The following NSD2 variants were observed in gnomAD, a reference collection of about 807,000 sequenced individuals.
The protein encoded by NSD2 is histone-lysine N-methyltransferase NSD2.
A neutral mutation model predicts 139.0 loss-of-function variants in NSD2; 12 were observed. The observed-to-expected ratio is 0.09, with a 90% CI of 0.06 to 0.14. NSD2 has a LOEUF of 0.14. NSD2 is among the 10% of genes least tolerant of loss of function. NSD2 has a pLI of 1.00. For missense variants in NSD2, 1,155 were observed against 1,745.0 expected (o/e 0.66, Z 6.02); for synonymous variants, 669 against 648.7 (o/e 1.03, Z -0.48).
chr4:1,947,459 C>G (rs1019068572), intron 9 of NSD2: 5 of 1,058,956 alleles, frequency 4.7e-6, no homozygotes, highest in Middle Eastern at 4.2e-4. Context: ...ACCCCCAGCC[C>G]TGACCCTAGA....
At chr4:1,874,436 G>A (rs1714102211) in intron 1 of NSD2, among the ~76,000 whole-genome samples, 1 of 152,154 alleles carries the variant, frequency 6.6e-6, no homozygotes, top group African/African-American at 2.4e-5. Context: ...AACTCTTAGA[G>A]GTAGGACTCT....
Position 1,918,133 on chromosome 4 carries a change from T to C in NSD2, c.928-8T>C, listed in dbSNP as rs1366495486. 2 of 1,598,422 alleles carry C rather than the reference T, an allele frequency of 1.3e-6. No homozygotes were observed. The highest frequency in any genetic ancestry group is 1.7e-6 in the Non-Finnish European group (2 of 1,174,582). On this transcript the variant is annotated splice_polypyrimidine_tract_variant and splice_region_variant and intron_variant, in intron 4 of 21. Coordinates refer to ENST00000508803, the MANE Select transcript of NSD2 (RefSeq NM_001042424.3). ...TGAAACTTACAGTGTCTCTTTTTTTTTTCCCAGCTATTGAAACCAATTTCA... is the reference window on the plus strand; with the variant it reads ...TGAAACTTACAGTGTCTCTTTTTTTCTTCCCAGCTATTGAAACCAATTTCA...
Position 1,889,753 on chromosome 4 carries a change from C to T in NSD2, c.-29-10873C>T, listed in dbSNP as rs148963789. 1.8e-3 allele frequency among the ~76,000 whole-genome samples: 268 copies of T among 152,068 alleles called. 3 individuals carry two copies. Among genetic ancestry groups the T allele is most frequent in the African/African-American group, 5.1e-3 (212 of 41,454 alleles). ...CACTCCTGACCTCAGGTGATACACCCGCCTTGACCTCCCAAAGTGCTGGGA... is the reference window on the plus strand; with the variant it reads ...CACTCCTGACCTCAGGTGATACACCTGCCTTGACCTCCCAAAGTGCTGGGA... On this transcript the variant is annotated intron_variant, in intron 1 of 21. Transcript: ENST00000508803.
At chr4:1,882,645 CAG>C (rs1714790170) in intron 1 of NSD2, among the ~76,000 whole-genome samples, 1 of 152,020 alleles carries the variant, frequency 6.6e-6, no homozygotes. Flanking sequence ...GCTTGGGCGA[CAG>C]AGCAAGACCT....
chr4:1,904,226 A>G lies in NSD2; in HGVS notation c.608A>G (p.Lys203Arg). The change falls in exon 3 of 22, where the codon AAG (lysine) becomes AGG (arginine). Residue 203 changes from lysine (K) to arginine (R), a missense_variant. Around this residue, in one of 8 missense-constraint regions of NSD2, gnomAD observed 246 missense variants for 262.8 expected, o/e 0.94. Coordinates refer to ENST00000508803, the MANE Select transcript of NSD2 (RefSeq NM_001042424.3). ...GTTGTTCATTTTCAGATTCCAGCTA[A>G]GAAAGAGTCTTGTCCAAACACTGGA... Reference protein sequence around the residue: ...SSPSDKKIPAKKESCPNTGRD... With the variant: ...SSPSDKKIPARKESCPNTGRD... 6.2e-7 allele frequency: 1 copy of G among 1,613,076 alleles called. No homozygotes were observed. Among genetic ancestry groups the G allele is most frequent in the Non-Finnish European group, 8.5e-7 (1 of 1,179,400 alleles).
intron 10 of NSD2, 128 bp downstream of exon 10, chr4:1,951,331 A>G (rs1577526071): frequency 1.5e-6 from 2 of 1,342,502 alleles, no homozygotes; most frequent in South Asian, 1.4e-5. Flanking sequence ...TCACTCACTC[A>G]TCTCTGTTTT....
At chr4:1,967,351 C>T (rs1179332849) in intron 18 of NSD2, among the ~76,000 whole-genome samples, 4 of 152,000 alleles carry the variant, frequency 2.6e-5, no homozygotes, top group Non-Finnish European at 4.4e-5. Context: ...AGGCCGAGGC[C>T]GGCAGATCAC....
At chr4:1,931,920 C>G (rs1486373990) in intron 6 of NSD2, among the ~76,000 whole-genome samples, 1 of 152,134 alleles carries the variant, frequency 6.6e-6, no homozygotes, top group African/African-American at 2.4e-5. Flanking sequence ...TTCCTGAAGC[C>G]AGATTCAGCT....
chr4:1,904,282 G>A lies in NSD2; in HGVS notation c.664G>A (p.Val222Ile), dbSNP rs150146753. ...RDKDHLLKYN[V>I]GDLVWSKVSG... is the part of the protein sequence containing the mutation. ...CAAAGACCACCTGTTGAAATACAAC[G>A]TTGGTGATTTGGTGTGGTCCAAAGT... Residue 222 changes from valine to isoleucine, a missense_variant, in exon 3 of 22, where the codon GTT becomes ATT. By Grantham distance (29) the Val-to-Ile change is conservative. Around this residue, in one of 8 missense-constraint regions of NSD2, gnomAD observed 34 missense variants for 75.2 expected, o/e 0.45. Coordinates refer to ENST00000508803, the MANE Select transcript of NSD2 (RefSeq NM_001042424.3). 29 of 1,614,196 alleles carry A rather than the reference G, an allele frequency of 1.8e-5. No homozygotes were observed. In the Admixed American group the frequency reaches 2.8e-4, roughly 16 times the overall value.
chr4:1,890,969 C>G (rs1354472827), intron 1 of NSD2, among the ~76,000 whole-genome samples: 1 of 152,084 alleles, frequency 6.6e-6, no homozygotes, highest in African/African-American at 2.4e-5. Context: ...TCTTGGCTCA[C>G]TGCAGTCTCC....
chr4:1,887,866 C>T (rs1319587928), intron 1 of NSD2, among the ~76,000 whole-genome samples: 1 of 151,838 alleles, frequency 6.6e-6, no homozygotes, highest in Admixed American at 6.6e-5. Context: ...GTATAAAAAG[C>T]CTTTGGGATG....
At chr4:1,882,489 C>T (rs1025225995) in intron 1 of NSD2, among the ~76,000 whole-genome samples, 2 of 152,144 alleles carry the variant, frequency 1.3e-5, no homozygotes. Flanking sequence ...CGGTGAAACC[C>T]CGTCTCTACT....
Position 1,975,458 on chromosome 4 carries a change from G to A in NSD2, c.3621+58G>A, listed in dbSNP as rs1359117660. The stretch of plus-strand genomic sequence containing the variant: ...TCTGTGTTGGCATTTTGCACTCCTG[G>A]AGACCTGTGTCCCCCGTGAACAGCG... On this transcript the variant is annotated intron_variant, in intron 20 of 21. Coordinates refer to ENST00000508803, the MANE Select transcript of NSD2 (RefSeq NM_001042424.3). 5.3e-6 allele frequency: 8 copies of A among 1,501,394 alleles called. No homozygotes were observed. In the African/African-American group the frequency reaches 9.6e-5, roughly 18 times the overall value. The allele number at this position is 1,501,394 out of a possible 1,614,324, so 93.0% of individuals were successfully genotyped here.
intron 3 of NSD2, among the ~76,000 whole-genome samples, chr4:1,915,201 C>T (rs1211049750): frequency 2.7e-5 from 4 of 149,578 alleles, no homozygotes; most frequent in East Asian, 3.9e-4. Context: ...CTGCAAGCTC[C>T]GCCTCCTGGG....
chr4:1,913,033 T>C (rs1462362492), intron 3 of NSD2, among the ~76,000 whole-genome samples: 1 of 152,230 alleles, frequency 6.6e-6, no homozygotes, highest in African/African-American at 2.4e-5. Flanking sequence ...ATATGAATAT[T>C]ATTAATCATT....
chr4:1,937,570 G>A (rs1325455570), intron 7 of NSD2, among the ~76,000 whole-genome samples: 2 of 152,072 alleles, frequency 1.3e-5, no homozygotes, highest in Non-Finnish European at 2.9e-5. Flanking sequence ...TTCAGATTTG[G>A]GTTTTATAAA....
chr4:1,968,128 C>T (rs1726077118), intron 18 of NSD2, among the ~76,000 whole-genome samples: 2 of 152,200 alleles, frequency 1.3e-5, no homozygotes, highest in South Asian at 2.1e-4. Context: ...TCTGTGACTT[C>T]AGACAAAGAT....
chr4:1,949,490 C>T (rs549169788), intron 9 of NSD2, among the ~76,000 whole-genome samples: 12 of 152,288 alleles, frequency 7.9e-5, no homozygotes, highest in African/African-American at 2.6e-4. Context: ...TGGCTGGGTG[C>T]GGTGGCTCAT....
At chr4:1,915,290 A>G (rs1719234754) in intron 3 of NSD2, among the ~76,000 whole-genome samples, 1 of 151,078 alleles carries the variant, frequency 6.6e-6, no homozygotes, top group Non-Finnish European at 1.5e-5. Context: ...TAATTTTTGT[A>G]TATTTAGTAG....
Sources: allele counts gnomAD v4.1 joint callset (sites outside exome capture counted in the v4.1 genomes callset), GRCh38; gene constraint gnomAD v4.1.1; regional missense constraint gnomAD v4.1.1; transcripts MANE v1.5; gene names NCBI Gene and HGNC (gene_info 2026-07-23, HGNC 2026-07-21).